CNBD1: variants seen among roughly 807,000 people sequenced by gnomAD.
CNBD1 encodes cyclic nucleotide-binding domain-containing protein 1.
CNBD1 carries 71 observed loss-of-function variants against 54.4 expected under a neutral mutation model. The ratio of observed to expected loss-of-function variants is 1.30; its 90% confidence interval spans 1.08 to 1.59. The LOEUF is 1.59. CNBD1 is among the 40% of genes most tolerant of loss of function. The pLI is 0.00. For synonymous variants in CNBD1, 182 were observed against 170.7 expected, an observed-to-expected ratio of 1.07 and a Z score of -0.51; for missense variants, 659 against 518.0, an observed-to-expected ratio of 1.27 and a Z score of -2.64.
At chr8:87,382,546 A>G in intron 10 of CNBD1, 74 bp from the exon 11 acceptor site, 1 of 1,227,678 alleles carries the variant, frequency 8.1e-7, no homozygotes. Context: ...TTAGGGTTCT[A>G]TTCTGTAGGA....
chr8:87,135,084 C>A (rs1390135383), intron 4 of CNBD1, among the ~76,000 whole-genome samples: 1 of 152,014 alleles, frequency 6.6e-6, no homozygotes, highest in African/African-American at 2.4e-5. Context: ...CGTAAATTTT[C>A]CATTTATAAT....
intron 4 of CNBD1, among the ~76,000 whole-genome samples, chr8:87,156,355 G>C (rs185337226): frequency 8.1e-4 from 117 of 144,720 alleles, no homozygotes; most frequent in African/African-American, 2.8e-3. Flanking sequence ...AACGATTCTC[G>C]TGCCTCAGCC....
intron 3 of CNBD1, among the ~76,000 whole-genome samples, chr8:86,918,667 A>T (rs1391275696): frequency 6.6e-6 from 1 of 151,930 alleles, no homozygotes; most frequent in African/African-American, 2.4e-5. Flanking sequence ...GCCTTCTGCC[A>T]TGATTGTGAG....
At chr8:87,018,261 C>A (rs567616711) in intron 4 of CNBD1, among the ~76,000 whole-genome samples, 1 of 152,192 alleles carries the variant, frequency 6.6e-6, no homozygotes, top group South Asian at 2.1e-4. Flanking sequence ...AAACAAAAAA[C>A]AAAACAAAAA....
At chr8:87,217,676 A>G (rs1406827502) in intron 5 of CNBD1, among the ~76,000 whole-genome samples, 1 of 151,916 alleles carries the variant, frequency 6.6e-6, no homozygotes, top group Non-Finnish European at 1.5e-5. Flanking sequence ...TTAATAGCCA[A>G]CTATTCATGA....
At chr8:87,104,374 T>G (rs1331144849) in intron 4 of CNBD1, among the ~76,000 whole-genome samples, 1 of 152,098 alleles carries the variant, frequency 6.6e-6, no homozygotes, top group Non-Finnish European at 1.5e-5. Context: ...TAAATAGAAG[T>G]AAAAGCAACA....
intron 2 of CNBD1, among the ~76,000 whole-genome samples, chr8:87,390,376 T>C (rs1811282834): frequency 6.6e-6 from 1 of 152,108 alleles, no homozygotes; most frequent in African/African-American, 2.4e-5. Context: ...ATCCAGAATC[T>C]ACAATGAACT....
chr8:86,966,918 T>C (rs910419037), intron 4 of CNBD1, among the ~76,000 whole-genome samples: 5 of 152,206 alleles, frequency 3.3e-5, no homozygotes, highest in Admixed American at 1.3e-4. Context: ...ATCTTGCTGA[T>C]TGGTCCATCT....
Position 87,247,516 on chromosome 8 carries a change from T to TCCC in CNBD1, c.771+10406_771+10408dup, listed in dbSNP as rs1467092728. Among the ~76,000 whole-genome samples, 12 of 152,300 alleles carry TCCC rather than the reference T, an allele frequency of 7.9e-5. No individual in the cohort carries two copies. The East Asian group carries it at 2.3e-3, about 29-fold the overall frequency. On this transcript the variant is annotated intron_variant, in intron 6 of 10. Transcript: ENST00000518476. ...GATGACTTGAACACAGTTGTCAGTCTCCCCTGGAGTGACAGATTAAATTCC... is the reference window on the plus strand; with the variant it reads ...GATGACTTGAACACAGTTGTCAGTCTCCCCCCCTGGAGTGACAGATTAAATTCC...
chr8:87,377,445 T>A (rs1184766447), intron 10 of CNBD1, among the ~76,000 whole-genome samples: 2 of 152,032 alleles, frequency 1.3e-5, no homozygotes, highest in East Asian at 3.9e-4. Context: ...GAATGATGAT[T>A]TCCAATTTCA....
At chr8:87,168,815 T>C (rs2130766309) in intron 4 of CNBD1, among the ~76,000 whole-genome samples, 1 of 152,236 alleles carries the variant, frequency 6.6e-6, no homozygotes, top group African/African-American at 2.4e-5. Flanking sequence ...GTGCCACATT[T>C]TTAAAATTCA....
chr8:86,928,786 C>A (rs1481241023), intron 3 of CNBD1, among the ~76,000 whole-genome samples: 1 of 152,210 alleles, frequency 6.6e-6, no homozygotes, highest in East Asian at 1.9e-4. Flanking sequence ...GCTTTGACAA[C>A]TTGTCAGATG....
At chr8:86,934,608 C>T (rs1809512483) in intron 3 of CNBD1, among the ~76,000 whole-genome samples, 1 of 152,122 alleles carries the variant, frequency 6.6e-6, no homozygotes, top group African/African-American at 2.4e-5. Flanking sequence ...ATAATATTTG[C>T]TGTATTTTGT....
intron 2 of CNBD1, among the ~76,000 whole-genome samples, chr8:87,419,463 G>T (rs1282897026): frequency 2.0e-5 from 3 of 151,796 alleles, no homozygotes; most frequent in African/African-American, 7.2e-5. Context: ...CTTAATAAAA[G>T]ACAATAAGAA....
chr8:87,036,471 G>T (rs1404946968), intron 4 of CNBD1, among the ~76,000 whole-genome samples: 2 of 151,780 alleles, frequency 1.3e-5, no homozygotes, highest in Non-Finnish European at 2.9e-5. Flanking sequence ...GTGGGCGCCT[G>T]TAGTCCCAGC....
chr8:87,412,992 T>A (rs1453158658), intron 2 of CNBD1, among the ~76,000 whole-genome samples: 1 of 152,070 alleles, frequency 6.6e-6, no homozygotes, highest in Non-Finnish European at 1.5e-5. Flanking sequence ...TAGTAATTGA[T>A]ATCTTCAGGG....
chr8:87,261,529 CAAAAA>C (rs34576530), intron 6 of CNBD1, among the ~76,000 whole-genome samples: 2 of 120,236 alleles, frequency 1.7e-5, no homozygotes, highest in African/African-American at 3.0e-5. Flanking sequence ...TATTTATAGA[CAAAAA>C]AAAAAAAAAA....
intron 6 of CNBD1, among the ~76,000 whole-genome samples, chr8:87,241,811 A>G (rs1807713955): frequency 6.6e-6 from 1 of 152,214 alleles, no homozygotes; most frequent in South Asian, 2.1e-4. Flanking sequence ...GGAAGCTATA[A>G]TAATACCATT....
chr8:86,906,560 AT>A (rs1809020950), intron 3 of CNBD1, among the ~76,000 whole-genome samples: 4 of 152,200 alleles, frequency 2.6e-5, no homozygotes, highest in African/African-American at 9.6e-5. Flanking sequence ...AAAATATCTG[AT>A]AAAAATACTT....
Sources: allele counts gnomAD v4.1 joint callset (sites outside exome capture counted in the v4.1 genomes callset), GRCh38; gene constraint gnomAD v4.1.1; transcripts MANE v1.5; gene names NCBI Gene and HGNC (gene_info 2026-07-23, HGNC 2026-07-21).